The following TBX1 variants were observed in gnomAD, a reference collection of about 807,000 sequenced individuals.
TBX1 encodes the protein T-box transcription factor 1.
A neutral mutation model predicts 40.8 loss-of-function variants in TBX1; 16 were observed. The observed-to-expected ratio is 0.39, with a 90% CI of 0.27 to 0.60. TBX1 has a LOEUF of 0.60. TBX1 is among the 20% of genes least tolerant of loss of function. The pLI is 0.51. For synonymous variants in TBX1, 403 were observed against 336.8 expected (o/e 1.20, Z -2.15); for missense variants, 755 against 728.5 (o/e 1.04, Z -0.42).
chr22:19,764,706 G>GC (rs764321476), intron 3 of TBX1, among the ~76,000 whole-genome samples: 3 of 152,240 alleles, frequency 2.0e-5, no homozygotes, highest in Non-Finnish European at 4.4e-5. Context: ...CAGTGAGGTC[G>GC]CTGGGCAGGC....
At chr22:19,757,165 C>T (rs1187433974), upstream of TBX1, among the ~76,000 whole-genome samples, 2 of 152,062 alleles carry the variant, frequency 1.3e-5, no homozygotes, top group African/African-American at 2.4e-5. Flanking sequence ...TAGGGTCGGC[C>T]AACAGAGCCG....
rs910517172 is a variant in TBX1 at position 19,767,264 on chromosome 22, ATGTAGATAC to A, written c.*416_*424del. ...CCCCGCCTGCAGGCGGTGTAGATAC[ATGTAGATAC>A]TGTAGATACTGTAGATACCGCCCCG... is the stretch of plus-strand genomic sequence containing the variant. On this transcript the variant is annotated 3_prime_UTR_variant, in exon 7 of 7. Coordinates refer to ENST00000649276, the MANE Select transcript of TBX1 (RefSeq NM_001379200.1). 2.7e-4 allele frequency: 272 copies of A among 1,026,040 alleles called. No individual in the cohort carries two copies. Among genetic ancestry groups the A allele is most frequent in the East Asian group, 6.8e-4 (7 of 10,366 alleles). The allele number at this position is 1,026,040 out of a possible 1,614,324, so 63.6% of individuals were successfully genotyped here.
chr22:19,776,807 C>T (rs1299904950), intron 8 of TBX1, among the ~76,000 whole-genome samples: 2 of 152,328 alleles, frequency 1.3e-5, no homozygotes, highest in Middle Eastern at 3.4e-3. Flanking sequence ...CCTACAGATG[C>T]AGGCAACCTG....
downstream of TBX1, among the ~76,000 whole-genome samples, chr22:19,770,702 TG>T (rs1190102724): frequency 1.3e-5 from 2 of 152,144 alleles, no homozygotes; most frequent in African/African-American, 4.8e-5. Context: ...CGATGACAGT[TG>T]TATGAGGCTG....
intron 8 of TBX1, among the ~76,000 whole-genome samples, chr22:19,777,836 G>A (rs1458122548): frequency 1.3e-5 from 2 of 148,270 alleles, no homozygotes; most frequent in African/African-American, 2.5e-5. Flanking sequence ...CATGGCTCAC[G>A]GCAGCCTTGA....
rs746812421 is a variant in TBX1, at chr22:19,766,566, C to T, written c.1214C>T (p.Pro405Leu). ...PGAPGGRPSP[P>L]NPELRLEAPG... ...GCGCCCGGAGGCCGGCCCAGTCCCC[C>T]GAACCCCGAGCTGCGCCTGGAGGCG... is the stretch of plus-strand genomic sequence containing the variant. The change falls in exon 7 of 7, where the codon CCG becomes CTG. Residue 405 changes from proline to leucine, a missense_variant. Physicochemically the swap from Pro to Leu is moderately conservative, Grantham distance 98 (BLOSUM62 -3). Coordinates refer to ENST00000649276, the MANE Select transcript of TBX1 (RefSeq NM_001379200.1). The T allele has an allele frequency of 1.7e-5, 25 of 1,442,524 alleles. No individual in the cohort carries two copies. The African/African-American group carries it at 2.8e-4, about 16-fold the overall frequency. The allele number at this position is 1,442,524 out of a possible 1,614,324, so 89.4% of individuals were successfully genotyped here. A position where few individuals can be genotyped will look rare whatever the true frequency, so the allele number is the denominator to read the frequency against.
chr22:19,757,166 A>T (rs5992480), upstream of TBX1, among the ~76,000 whole-genome samples: 1 of 152,140 alleles, frequency 6.6e-6, no homozygotes, highest in African/African-American at 2.4e-5. Context: ...AGGGTCGGCC[A>T]ACAGAGCCGG....
In TBX1 at chr22:19,764,336, T is replaced by C; in HGVS notation, c.711+10T>C. The C allele has an allele frequency of 6.2e-7, 1 of 1,609,288 alleles. No individual in the cohort carries two copies. The highest frequency in any genetic ancestry group is 8.5e-7 in the Non-Finnish European group (1 of 1,179,812). On this transcript the variant is annotated intron_variant, in intron 3 of 6. Coordinates refer to ENST00000649276, the MANE Select transcript of TBX1 (RefSeq NM_001379200.1). Reference sequence around the variant, plus strand: ...GGACGACAACGGCCACGTGAGCGACTGCCTCCCCAGGCTCCGGTGTCCCCC... The same window carrying C: ...GGACGACAACGGCCACGTGAGCGACCGCCTCCCCAGGCTCCGGTGTCCCCC...
intron 6 of TBX1, 192 bp from the exon 7 acceptor site, chr22:19,766,197 C>T (rs1936835913): frequency 3.3e-6 from 3 of 897,900 alleles, no homozygotes; most frequent in Non-Finnish European, 2.7e-6. Context: ...GCCGCCGCCG[C>T]CCGCAGAGGG....
chr22:19,764,669 G>A (rs1936775584), intron 3 of TBX1, among the ~76,000 whole-genome samples: 1 of 152,252 alleles, frequency 6.6e-6, no homozygotes, highest in South Asian at 2.1e-4. Context: ...AAGGGGGCTG[G>A]AGAAAGAGGC....
At chr22:19,759,416 G>A, upstream of TBX1, 1 of 1,286,526 alleles carries the variant, frequency 7.8e-7, no homozygotes, top group Non-Finnish European at 9.9e-7. Context: ...CCCGGACTCC[G>A]TGGGCTGGGC....
intron 8 of TBX1, among the ~76,000 whole-genome samples, chr22:19,777,305 G>T (rs1349633071): frequency 6.6e-6 from 1 of 151,696 alleles, no homozygotes; most frequent in Non-Finnish European, 1.5e-5. Flanking sequence ...GTGAGAACAT[G>T]CGGTGTTTGG....
intron 2 of TBX1, chr22:19,763,563 C>T: frequency 1.7e-6 from 1 of 584,464 alleles, no homozygotes; most frequent in Non-Finnish European, 3.1e-6. Flanking sequence ...CCGCAGGCTG[C>T]AGACAGCTCT....
At chr22:19,760,556 G>A (rs1354413022), upstream of TBX1, among the ~76,000 whole-genome samples, 1 of 140,598 alleles carries the variant, frequency 7.1e-6, no homozygotes, top group African/African-American at 2.6e-5. Flanking sequence ...GAGCCGGTCC[G>A]GGCGGTCGGG....
chr22:19,759,576 C>A, upstream of TBX1: 2 of 1,596,578 alleles, frequency 1.3e-6, no homozygotes, highest in Admixed American at 3.4e-5. Context: ...GCGGAGCGCA[C>A]CGCCCACCAG....
At chr22:19,768,795 G>T (rs2145842540), downstream of TBX1, among the ~76,000 whole-genome samples, 1 of 152,224 alleles carries the variant, frequency 6.6e-6, no homozygotes, top group Middle Eastern at 3.4e-3. Context: ...CAAACACAGT[G>T]TTTGTAAATG....
chr22:19,767,065 C>T lies in TBX1; in HGVS notation c.*198C>T. The T allele has an allele frequency of 3.1e-6, 4 of 1,286,900 alleles. No homozygotes were observed. Among genetic ancestry groups the T allele is most frequent in the Non-Finnish European group, 3.9e-6 (4 of 1,020,212 alleles). 79.7% of individuals were successfully genotyped at this position (1,286,900 alleles called of 1,614,324 possible). A position where few individuals can be genotyped will look rare whatever the true frequency, so the allele number is the denominator to read the frequency against. The stretch of plus-strand genomic sequence containing the variant: ...CCTTGGGCTATCGAAGTATCCGGTT[C>T]CCCAGTCCCTGGAGCCACCGCGGGT... On this transcript the variant is annotated 3_prime_UTR_variant, in exon 7 of 7. Transcript: ENST00000649276.
In TBX1 at chr22:19,766,690, G is replaced by A; in HGVS notation, c.1338G>A (p.Pro446=). The change falls in exon 7 of 7, where the codon CCG becomes CCA. Residue 446 remains proline (P), a synonymous_variant. Coordinates refer to ENST00000649276, the MANE Select transcript of TBX1 (RefSeq NM_001379200.1). The part of the protein sequence containing the change: ...LGAKSRPAPY[P]LPGLRGHGYH... The stretch of plus-strand genomic sequence containing the variant: ...CCAAGAGCCGGCCGGCGCCCTACCC[G>A]CTGCCCGGCCTGCGTGGCCACGGCT... The A allele has an allele frequency of 3.9e-6, 6 of 1,548,460 alleles. No homozygotes were observed. Among genetic ancestry groups the A allele is most frequent in the Admixed American group, 1.8e-5 (1 of 55,158 alleles).
intron 8 of TBX1, among the ~76,000 whole-genome samples, chr22:19,772,344 T>G (rs1322127171): frequency 6.6e-6 from 1 of 151,212 alleles, no homozygotes; most frequent in East Asian, 1.9e-4. Flanking sequence ...CTTGCTCTGT[T>G]GCCCAGGCTG....
Sources: gnomAD v4.1 joint callset for allele counts (sites outside exome capture counted in the v4.1 genomes callset) on GRCh38, gnomAD v4.1.1 for gene constraint, MANE v1.5 for transcripts, NCBI Gene and HGNC (gene_info 2026-07-23, HGNC 2026-07-21) for gene names.